The following PHC2 variants were observed in gnomAD, a reference collection of about 807,000 sequenced individuals.
PHC2 encodes the protein polyhomeotic homolog 2.
Under a neutral mutation model 87.4 loss-of-function variants are expected in PHC2, and 29 were observed. The observed-to-expected ratio is 0.33, with a 90% CI of 0.25 to 0.45. The LOEUF is 0.45. Among genes scored for constraint, PHC2 ranks in the 20% least tolerant of loss-of-function variants. The pLI, the probability that PHC2 is intolerant of heterozygous loss-of-function variation, is 1.00. For missense variants in PHC2, 857 were observed against 1,136.7 expected (o/e 0.75, Z 3.54); for synonymous variants, 438 against 461.7 (o/e 0.95, Z 0.66).
At chr1:33,356,484 G>T (rs796387481) in intron 7 of PHC2, among the ~76,000 whole-genome samples, 3 of 150,358 alleles carry the variant, frequency 2.0e-5, no homozygotes, top group African/African-American at 7.3e-5. Context: ...ATTAGGGAGC[G>T]GTGATGACTC....
At chr1:33,361,235 A>T (rs1212074377) in intron 7 of PHC2, among the ~76,000 whole-genome samples, 1 of 152,248 alleles carries the variant, frequency 6.6e-6, no homozygotes, top group African/African-American at 2.4e-5. Flanking sequence ...AAGGTCCCCC[A>T]TGAAGTCAGA....
At chr1:33,418,150 C>T (rs1487556638) in intron 1 of PHC2, among the ~76,000 whole-genome samples, 1 of 152,018 alleles carries the variant, frequency 6.6e-6, no homozygotes. Flanking sequence ...AATCATTAAC[C>T]TCAGCTTCTA....
intron 1 of PHC2, among the ~76,000 whole-genome samples, chr1:33,401,917 G>A (rs926343432): frequency 6.6e-6 from 1 of 151,964 alleles, no homozygotes; most frequent in Non-Finnish European, 1.5e-5. Flanking sequence ...AGAAAATGTA[G>A]GACAAAATAA....
chr1:33,342,787 G>T (rs529223637), intron 9 of PHC2, among the ~76,000 whole-genome samples: 2 of 152,330 alleles, frequency 1.3e-5, no homozygotes, highest in South Asian at 4.1e-4. Flanking sequence ...TCCAATGCCA[G>T]GGTCAAGGGC....
chr1:33,371,798 C>G (rs906665977), intron 3 of PHC2, among the ~76,000 whole-genome samples: 1 of 152,236 alleles, frequency 6.6e-6, no homozygotes, highest in Non-Finnish European at 1.5e-5. Flanking sequence ...TGTTTACTTG[C>G]TGTCTCCTAT....
chr1:33,391,720 T>A (rs1649061503), intron 1 of PHC2, among the ~76,000 whole-genome samples: 1 of 150,942 alleles, frequency 6.6e-6, no homozygotes. Context: ...AATTCAGATG[T>A]GGAGCTCAGA....
chr1:33,332,782 G>A lies in PHC2; in HGVS notation c.1762-378C>T, dbSNP rs571997993. On this transcript the variant is annotated intron_variant, in intron 10 of 14. Transcript: ENST00000683057. This position sits in a 1 kb window ranked among gnomAD's most constrained non-coding sequence, Gnocchi z 4.2. The stretch of plus-strand genomic sequence containing the variant: ...GACAGAGCGGAGTCTGTGTGAGGCT[G>A]TACATACGAGAGAGAGACTCAGCAC... 4.6e-5 allele frequency among the ~76,000 whole-genome samples: 7 copies of A among 152,226 alleles called. No individual in the cohort carries two copies. The highest frequency in any genetic ancestry group is 1.7e-4 in the African/African-American group (7 of 41,544).
rs1646323664 is a variant in PHC2, at chr1:33,324,211, A to AAAC, written c.*651_*653dup. 6.5e-6 allele frequency: 1 copy of AAAC among 152,804 alleles called. No individual in the cohort carries two copies. Among genetic ancestry groups the AAAC allele is most frequent in the African/African-American group, 2.4e-5 (1 of 41,438 alleles). 9.5% of individuals were successfully genotyped at this position (152,804 alleles called of 1,614,324 possible). A position where few individuals can be genotyped will look rare whatever the true frequency, so the allele number is the denominator to read the frequency against. Reference sequence around the variant, plus strand: ...AAGCACTAAGTGGCTGTTTGCTACAAAACACCTGGAGATGCCAGAGAGTAG... The same window carrying AAAC: ...AAGCACTAAGTGGCTGTTTGCTACAAAACAACACCTGGAGATGCCAGAGAGTAG... On this transcript the variant is annotated 3_prime_UTR_variant, in exon 15 of 15. Transcript: ENST00000683057.
rs146608286 is a variant in PHC2 at position 33,384,951 on chromosome 1, C to G, written c.-54-9358G>C. Among the ~76,000 whole-genome samples, 538 of 152,272 alleles carry G rather than the reference C, an allele frequency of 3.5e-3. 4 individuals carry two copies. Among genetic ancestry groups the G allele is most frequent in the African/African-American group, 0.012 (516 of 41,552 alleles). The stretch of plus-strand genomic sequence containing the variant: ...GATGAGGAACCCAAGGTTAAAATAC[C>G]GAAACACACTGTGCAAATACCATGT... On this transcript the variant is annotated intron_variant, in intron 1 of 14. Transcript: ENST00000683057.
intron 1 of PHC2, among the ~76,000 whole-genome samples, chr1:33,393,363 C>T (rs994632763): frequency 1.3e-5 from 2 of 152,032 alleles, no homozygotes; most frequent in Non-Finnish European, 2.9e-5. Flanking sequence ...CCATGCTGGC[C>T]TCAAGTGCAT....
At chr1:33,419,005 G>T (rs1650320448) in intron 1 of PHC2, among the ~76,000 whole-genome samples, 2 of 152,116 alleles carry the variant, frequency 1.3e-5, no homozygotes, top group Admixed American at 1.3e-4. Context: ...TCAGGTCCTG[G>T]CCCCATTATT....
Position 33,368,807 on chromosome 1 carries a change from A to AG in PHC2, c.577-186dup, listed in dbSNP as rs1290242948. On this transcript the variant is annotated intron_variant, in intron 5 of 14. Transcript: ENST00000683057. This position sits in a 1 kb window ranked among gnomAD's most constrained non-coding sequence, Gnocchi z 6.6. Reference sequence around the variant, plus strand: ...GGCAGGACAGTAGAAGCAGAAAGGAAGGGGGAGTCCAAGGGGAGCGCCTGC... The same window carrying AG: ...GGCAGGACAGTAGAAGCAGAAAGGAAGGGGGGAGTCCAAGGGGAGCGCCTGC... 6.6e-6 allele frequency among the ~76,000 whole-genome samples: 1 copy of AG among 151,288 alleles called. No homozygotes were observed. The highest frequency in any genetic ancestry group is 2.0e-4 in the East Asian group (1 of 5,054).
chr1:33,366,927 G>A (rs934714411), intron 7 of PHC2, among the ~76,000 whole-genome samples, 189 bp downstream of exon 7: 6 of 152,222 alleles, frequency 3.9e-5, no homozygotes, highest in Non-Finnish European at 7.3e-5. Flanking sequence ...GCTGCCCTGC[G>A]TAAAGTTAGA....
rs117722234 is a variant in PHC2, at chr1:33,366,191, G to A, written c.976+925C>T. 5.6e-4 allele frequency among the ~76,000 whole-genome samples: 85 copies of A among 152,358 alleles called. 1 individual carries two copies. In the East Asian group the frequency reaches 0.016, roughly 29 times the overall value. ...TGGATGGTAAAATGGTTTGAGAGAG[G>A]ACTGAGGTTAGTGGTTGTCTCAGGG... On this transcript the variant is annotated intron_variant, in intron 7 of 14. Transcript: ENST00000683057.
At chr1:33,357,831 G>A (rs1157381978) in intron 7 of PHC2, among the ~76,000 whole-genome samples, 1 of 152,156 alleles carries the variant, frequency 6.6e-6, no homozygotes, top group African/African-American at 2.4e-5. Flanking sequence ...CACTGCAAAT[G>A]CAACCAAAAC....
At chr1:33,388,608 A>G (rs1008555238) in intron 1 of PHC2, among the ~76,000 whole-genome samples, 3 of 152,064 alleles carry the variant, frequency 2.0e-5, no homozygotes, top group Non-Finnish European at 2.9e-5. Context: ...ATGAGCCACC[A>G]CACCCAGCCC....
At position 33,331,231 on chromosome 1, in the gene PHC2, AGGAACTAGGAAACTGGAGAAGCC is replaced by A; in HGVS notation, c.2006+94_2006+116del. On this transcript the variant is annotated intron_variant, in intron 12 of 14. Transcript: ENST00000683057. The surrounding 1 kb of genome is among the most constrained non-coding windows in gnomAD (Gnocchi z 5.2). ...TGCCATCCTGCTTCCAGGTGGGTCGAGGAACTAGGAAACTGGAGAAGCCACCCCTATGGACCTCCTGGGGTAGA... is the reference window on the plus strand; with the variant it reads ...TGCCATCCTGCTTCCAGGTGGGTCGAACCCCTATGGACCTCCTGGGGTAGA... The A allele has an allele frequency of 1.9e-6, 1 of 535,494 alleles. No individual in the cohort carries two copies. Among genetic ancestry groups the A allele is most frequent in the Non-Finnish European group, 3.3e-6 (1 of 301,086 alleles). 33.2% of individuals were successfully genotyped at this position (535,494 alleles called of 1,614,324 possible).
chr1:33,384,982 G>A (rs1648667012), intron 1 of PHC2, among the ~76,000 whole-genome samples: 1 of 152,220 alleles, frequency 6.6e-6, no homozygotes, highest in South Asian at 2.1e-4. Context: ...CATGTTATCT[G>A]AGAAGGGACC....
At chr1:33,341,125 CTCTAGGCCTGTTTCCTCA>C (rs1280365844) in intron 9 of PHC2, among the ~76,000 whole-genome samples, 1 of 152,232 alleles carries the variant, frequency 6.6e-6, no homozygotes, top group Non-Finnish European at 1.5e-5. Context: ...GGGCAAGTTA[CTCTAGGCCTGTTTCCTCA>C]TCTATGAAAT....
Sources: gnomAD v4.1 joint callset for allele counts (sites outside exome capture counted in the v4.1 genomes callset) on GRCh38, gnomAD v4.1.1 for gene constraint, Gnocchi (gnomAD v3.1) non-coding constraint, MANE v1.5 for transcripts, NCBI Gene and HGNC (gene_info 2026-07-23, HGNC 2026-07-21) for gene names.